PM20D2: variants seen among roughly 807,000 people sequenced by gnomAD.
PM20D2 encodes the protein xaa-Arg dipeptidase.
PM20D2 carries 33 observed loss-of-function variants against 42.9 expected under a neutral mutation model. The observed-to-expected ratio is 0.77, with a 90% confidence interval of 0.58 to 1.03. The LOEUF is 1.03. Ranked by LOEUF, PM20D2 falls within the 50% of genes least tolerant of loss-of-function variation. The probability of loss-of-function intolerance (pLI) is 0.00; values close to 1 mark genes in which losing one functional copy is unlikely to be tolerated. For missense variants in PM20D2, 548 were observed against 557.0 expected (o/e 0.98, Z 0.16); for synonymous variants, 250 against 228.2 (o/e 1.10, Z -0.86).
the PM20D2 span, among the ~76,000 whole-genome samples, chr6:89,099,527 CACACAT>C: frequency 3.0e-5 from 4 of 132,512 alleles, no homozygotes; most frequent in Non-Finnish European, 4.7e-5. Context: ...CACACACACA[CACACAT>C]ACATGTTTTT....
intron 2 of PM20D2, 78 bp from the exon 3 acceptor site, chr6:89,152,965 G>A: frequency 8.5e-7 from 1 of 1,171,096 alleles, no homozygotes; most frequent in South Asian, 1.7e-5. Context: ...AATAGTAGTT[G>A]GGTAATTCTG....
the PM20D2 span, among the ~76,000 whole-genome samples, chr6:89,104,168 G>A: frequency 0.012 from 1,744 of 147,426 alleles, 26 homozygotes; most frequent in Non-Finnish European, 0.015. Context: ...TAAAGTTGAA[G>A]ATTACAAACT....
the PM20D2 span, among the ~76,000 whole-genome samples, chr6:89,131,935 T>G: frequency 6.6e-6 from 1 of 152,184 alleles, no homozygotes; most frequent in East Asian, 1.9e-4. Flanking sequence ...GAAATGCTGC[T>G]TTCACAAACG....
At chr6:89,123,152 G>C in the PM20D2 span, among the ~76,000 whole-genome samples, 1 of 152,142 alleles carries the variant, frequency 6.6e-6, no homozygotes, top group Admixed American at 6.5e-5. Context: ...GAAAATCTTG[G>C]GGGGGTGTTT....
At chr6:89,094,961 T>A in the PM20D2 span, among the ~76,000 whole-genome samples, 1 of 152,162 alleles carries the variant, frequency 6.6e-6, no homozygotes, top group East Asian at 1.9e-4. Context: ...ACTGAACCAT[T>A]GGTCCTTAAA....
the PM20D2 span, among the ~76,000 whole-genome samples, chr6:89,118,357 C>T: frequency 6.6e-6 from 1 of 152,190 alleles, no homozygotes; most frequent in Non-Finnish European, 1.5e-5. Context: ...CGCTTTCAAC[C>T]GCGCCCCCGC....
chr6:89,136,522 A>G, the PM20D2 span, among the ~76,000 whole-genome samples: 1 of 149,884 alleles, frequency 6.7e-6, no homozygotes. Context: ...CTAAAAATAC[A>G]AAAAAATCAG....
In PM20D2 at chr6:89,154,866, T is replaced by C; in HGVS notation, c.876T>C (p.Asp292=). ...ELQVLTKKAE[D]CFRAAALASG... Reference sequence around the variant, plus strand: ...AAGTTTTGACCAAAAAGGCAGAAGATTGCTTCAGAGCTGCAGCTTTGGCTT... The same window carrying C: ...AAGTTTTGACCAAAAAGGCAGAAGACTGCTTCAGAGCTGCAGCTTTGGCTT... The change falls in exon 4 of 7, where the codon GAT becomes GAC. Residue 292 remains aspartate, a synonymous_variant. Transcript: ENST00000275072. 8 of 1,608,770 alleles carry C rather than the reference T, an allele frequency of 5.0e-6. No individual in the cohort carries two copies. Among genetic ancestry groups the C allele is most frequent in the Non-Finnish European group, 6.8e-6 (8 of 1,178,062 alleles).
At chr6:89,128,839 G>A in the PM20D2 span, among the ~76,000 whole-genome samples, 5 of 152,068 alleles carry the variant, frequency 3.3e-5, no homozygotes, top group Admixed American at 6.6e-5. Context: ...TATTGGGGGC[G>A]AGTTCCTCCA....
At chr6:89,141,196 C>T (rs1464910525), upstream of PM20D2, among the ~76,000 whole-genome samples, 1 of 152,102 alleles carries the variant, frequency 6.6e-6, no homozygotes, top group Non-Finnish European at 1.5e-5. Context: ...CATGGCTTTA[C>T]CATTCACTCA....
At chr6:89,140,062 G>C in the PM20D2 span, among the ~76,000 whole-genome samples, 1 of 152,136 alleles carries the variant, frequency 6.6e-6, no homozygotes, top group Non-Finnish European at 1.5e-5. Flanking sequence ...TGCAGAGACA[G>C]AGAGCTGGGA....
the PM20D2 span, among the ~76,000 whole-genome samples, chr6:89,102,237 G>A: frequency 1.9e-3 from 291 of 152,038 alleles, 4 homozygotes; most frequent in African/African-American, 6.5e-3. Flanking sequence ...TCTGTCTCCC[G>A]GGTTCAAGCG....
chr6:89,116,774 T>TA, the PM20D2 span, among the ~76,000 whole-genome samples: 3,512 of 135,012 alleles, frequency 0.026, 116 homozygotes, highest in African/African-American at 0.08. Context: ...AGACTTTGTC[T>TA]AAAAAAAAAA....
At chr6:89,109,213 C>A in the PM20D2 span, among the ~76,000 whole-genome samples, 1 of 152,096 alleles carries the variant, frequency 6.6e-6, no homozygotes, top group Non-Finnish European at 1.5e-5. Flanking sequence ...TAATTCTGGA[C>A]CTAATTAGTG....
At chr6:89,137,400 G>A in the PM20D2 span, among the ~76,000 whole-genome samples, 1 of 152,158 alleles carries the variant, frequency 6.6e-6, no homozygotes, top group Non-Finnish European at 1.5e-5. Flanking sequence ...TAGAATCTGA[G>A]TTCATGTATA....
At chr6:89,128,800 AT>A in the PM20D2 span, among the ~76,000 whole-genome samples, 1 of 152,268 alleles carries the variant, frequency 6.6e-6, no homozygotes, top group East Asian at 1.9e-4. Context: ...GCTGACACTT[AT>A]GGAAAATAGA....
chr6:89,098,668 G>A, the PM20D2 span: 1 of 1,613,924 alleles, frequency 6.2e-7, no homozygotes, highest in South Asian at 1.1e-5. Flanking sequence ...TTTCAGAATT[G>A]GTATACCCTT....
In PM20D2 at chr6:89,149,427, T is replaced by G; in HGVS notation, c.614+14T>G. On this transcript the variant is annotated intron_variant, in intron 2 of 6. Transcript: ENST00000275072. ...GGCTGAACATGAGTGAGTAATCAAG[T>G]TGAAGATAAACTTCTTAGGGGAACA... 1 of 1,612,504 alleles carries G rather than the reference T, an allele frequency of 6.2e-7. No homozygotes were observed. Among genetic ancestry groups the G allele is most frequent in the Admixed American group, 1.7e-5 (1 of 59,776 alleles).
the PM20D2 span, among the ~76,000 whole-genome samples, chr6:89,126,578 G>C: frequency 7.3e-5 from 11 of 151,158 alleles, no homozygotes; most frequent in African/African-American, 2.7e-4. Context: ...CAGCTACTCG[G>C]GTGGCAGAGA....
Sources: gnomAD v4.1 joint callset for allele counts (sites outside exome capture counted in the v4.1 genomes callset) on GRCh38, gnomAD v4.1.1 for gene constraint, MANE v1.5 for transcripts, NCBI Gene and HGNC (gene_info 2026-07-23, HGNC 2026-07-21) for gene names.